Variants in VDAC3 observed in about 807,000 individuals in gnomAD.
VDAC3 encodes the protein non-selective voltage-gated ion channel VDAC3.
Under a neutral mutation model 33.9 loss-of-function variants are expected in VDAC3, and 7 were observed. The observed-to-expected ratio is 0.21, with a 90% confidence interval of 0.12 to 0.39. The LOEUF (loss-of-function observed/expected upper bound fraction) is 0.39, where lower values mean the gene tolerates loss of function less well. Ranked by LOEUF, VDAC3 falls within the 10% of genes least tolerant of loss-of-function variation. VDAC3 has a pLI of 1.00. For missense variants in VDAC3, 261 were observed against 334.5 expected (o/e 0.78, Z 1.71); for synonymous variants, 100 against 122.4 (o/e 0.82, Z 1.21).
chr8:42,396,382 AT>A (rs1264204455), intron 4 of VDAC3, among the ~76,000 whole-genome samples: 1 of 152,152 alleles, frequency 6.6e-6, no homozygotes, highest in Non-Finnish European at 1.5e-5. Context: ...ACCCATGAAA[AT>A]TTTATTTCTG....
In VDAC3 at chr8:42,401,832, T is replaced by G. The variant is rs765651174; in HGVS notation, c.368T>G (p.Phe123Cys). Reference sequence around the variant, plus strand: ...AAGGCCTCCTATAAACGGGATTGTTTTAGTGTTGGCAGTAATGTTGATATA... The same window carrying G: ...AAGGCCTCCTATAAACGGGATTGTTGTAGTGTTGGCAGTAATGTTGATATA... ...KLKASYKRDCFSVGSNVDIDF... is the reference protein window; with the variant it reads ...KLKASYKRDCCSVGSNVDIDF... The change falls in exon 7 of 10, where the codon TTT (phenylalanine) becomes TGT (cysteine). Residue 123 changes from phenylalanine (F) to cysteine (C), a missense_variant. By Grantham distance (205) the Phe-to-Cys change is radical (BLOSUM62 -2). Transcript: ENST00000022615. 9.9e-6 allele frequency: 16 copies of G among 1,614,080 alleles called. No homozygotes were observed. The highest frequency in any genetic ancestry group is 1.6e-4 in the Middle Eastern group (1 of 6,084).
At chr8:42,403,107 T>A (rs1802446286) in intron 7 of VDAC3, 1 of 582,238 alleles carries the variant, frequency 1.7e-6, no homozygotes, top group Non-Finnish European at 3.0e-6. Flanking sequence ...GGATCAAGTG[T>A]TAACGTTTTA....
intron 9 of VDAC3, among the ~76,000 whole-genome samples, 167 bp from the exon 10 acceptor site, chr8:42,405,204 C>G (rs1422762080): frequency 6.6e-6 from 1 of 152,220 alleles, no homozygotes; most frequent in Non-Finnish European, 1.5e-5. Flanking sequence ...ATGCTTTCCT[C>G]ATTACACATC....
chr8:42,400,711 G>A (rs958201446), intron 6 of VDAC3, among the ~76,000 whole-genome samples: 1 of 105,564 alleles, frequency 9.5e-6, no homozygotes, highest in African/African-American at 3.7e-5. Context: ...ATGGAGTCTT[G>A]CTGGAGTATA....
chr8:42,404,852 A>G lies in VDAC3; in HGVS notation c.703-15A>G, dbSNP rs1400007819. Reference sequence around the variant, plus strand: ...ATTCACTGTTTTCTGTTATTATTCTATCTCTTAATCTTAGGCTAAAGTAAA... The same window carrying G: ...ATTCACTGTTTTCTGTTATTATTCTGTCTCTTAATCTTAGGCTAAAGTAAA... On this transcript the variant is annotated splice_polypyrimidine_tract_variant and intron_variant, in intron 8 of 9. Transcript: ENST00000022615. The G allele has an allele frequency of 1.9e-6, 3 of 1,608,502 alleles. No homozygotes were observed. Among genetic ancestry groups the G allele is most frequent in the Non-Finnish European group, 2.6e-6 (3 of 1,176,060 alleles).
intron 1 of VDAC3, among the ~76,000 whole-genome samples, chr8:42,392,178 C>T (rs1700154282): frequency 6.6e-6 from 1 of 152,192 alleles, no homozygotes; most frequent in Admixed American, 6.5e-5. Context: ...GCGTGTGGAC[C>T]GCACTTTCCT....
chr8:42,398,776 A>C lies in VDAC3; in HGVS notation c.182A>C (p.Lys61Thr). The C allele has an allele frequency of 6.2e-7, 1 of 1,614,026 alleles. No homozygotes were observed. The highest frequency in any genetic ancestry group is 8.5e-7 in the Non-Finnish European group (1 of 1,180,000). ...TGKASGNLET[K>T]YKVCNYGLTF... ...AAAGCATCAGGCAACCTAGAAACCA[A>C]ATATAAGGTCTGTAACTATGGACTT... The change falls in exon 5 of 10, where the codon AAA becomes ACA. Residue 61 changes from lysine to threonine, a missense_variant. Coordinates refer to ENST00000022615, the MANE Select transcript of VDAC3 (RefSeq NM_005662.7).
Position 42,391,914 on chromosome 8 carries a change from G to A in VDAC3, c.-57G>A, listed in dbSNP as rs913273961. 1.3e-5 allele frequency: 2 copies of A among 152,296 alleles called. No individual in the cohort carries two copies. Among genetic ancestry groups the A allele is most frequent in the African/African-American group, 4.8e-5 (2 of 41,448 alleles). 9.4% of individuals were successfully genotyped at this position (152,296 alleles called of 1,614,324 possible). A position where few individuals can be genotyped will look rare whatever the true frequency, so the allele number is the denominator to read the frequency against. ...CGTTGCCCTGGCGGAGCAGAGACAG[G>A]CCCTCGGGGTGGAGGTGAGGAGAGC... is the stretch of plus-strand genomic sequence containing the variant. On this transcript the variant is annotated 5_prime_UTR_variant, in exon 1 of 10. Coordinates refer to ENST00000022615, the MANE Select transcript of VDAC3 (RefSeq NM_005662.7).
At chr8:42,398,675 G>A (rs974548071) in intron 4 of VDAC3, 37 bp from the exon 5 acceptor site, 3 of 1,593,436 alleles carry the variant, frequency 1.9e-6, no homozygotes, top group Non-Finnish European at 2.6e-6. Context: ...TATTTGATGA[G>A]CTAATTTTAA....
At chr8:42,392,234 C>A (rs1231945182) in intron 1 of VDAC3, among the ~76,000 whole-genome samples, 5 of 152,246 alleles carry the variant, frequency 3.3e-5, no homozygotes, top group Admixed American at 3.3e-4. Flanking sequence ...GAAGTTGGAT[C>A]CTCGAACCCC....
rs1240239014 is a variant in VDAC3, at chr8:42,404,741, A to G, written c.703-126A>G. On this transcript the variant is annotated intron_variant, in intron 8 of 9. Transcript: ENST00000022615. ...TCATCTCAAAAAAAAAAAAAAAAAA[A>G]ATCAGTAATTCTAGATTGGCCCTAG... The G allele has an allele frequency of 1.4e-5, 9 of 664,908 alleles. No homozygotes were observed. In the Admixed American group the frequency reaches 2.9e-4, roughly 21 times the overall value. 41.2% of individuals were successfully genotyped at this position (664,908 alleles called of 1,614,324 possible).
chr8:42,399,444 C>A, intron 5 of VDAC3: 1 of 422,346 alleles, frequency 2.4e-6, no homozygotes, highest in Non-Finnish European at 4.4e-6. Flanking sequence ...TAGGATTTGC[C>A]CCATTTTTTA....
intron 6 of VDAC3, among the ~76,000 whole-genome samples, chr8:42,400,398 T>C (rs1329685613): frequency 6.6e-6 from 1 of 152,040 alleles, no homozygotes; most frequent in Non-Finnish European, 1.5e-5. Flanking sequence ...AAAAGTTAAT[T>C]TCTTAAGAAG....
rs1319642512 is a variant in VDAC3, at chr8:42,396,642, C to T, written c.117+1509C>T. 7.3e-6 allele frequency: 5 copies of T among 688,906 alleles called. No homozygotes were observed. In the Admixed American group the frequency reaches 1.1e-4, roughly 15 times the overall value. The allele number at this position is 688,906 out of a possible 1,614,324, so 42.7% of individuals were successfully genotyped here. A position where few individuals can be genotyped will look rare whatever the true frequency, so the allele number is the denominator to read the frequency against. ...AATTATCAACTAAAATTTTATCTCC[C>T]TTTCATGCTGCTGTTGTGTGGTAAT... is the stretch of plus-strand genomic sequence containing the variant. On this transcript the variant is annotated intron_variant, in intron 4 of 9. Transcript: ENST00000022615.
At chr8:42,400,617 A>G (rs895963281) in intron 6 of VDAC3, among the ~76,000 whole-genome samples, 1 of 151,930 alleles carries the variant, frequency 6.6e-6, no homozygotes, top group African/African-American at 2.4e-5. Context: ...AGCCGTAACA[A>G]CAGGTGTGTT....
rs755811798 is a variant in VDAC3 at position 42,404,898 on chromosome 8, T to A, written c.734T>A (p.Leu245Gln). 6.2e-7 allele frequency: 1 copy of A among 1,613,742 alleles called. No homozygotes were observed. Among genetic ancestry groups the A allele is most frequent in the Admixed American group, 1.7e-5 (1 of 59,988 alleles). The change falls in exon 9 of 10, where the codon CTG (leucine) becomes CAG (glutamine). Residue 245 changes from leucine (L) to glutamine (Q), a missense_variant. Leu to Gln is a moderately radical substitution (Grantham distance 113). Coordinates refer to ENST00000022615, the MANE Select transcript of VDAC3 (RefSeq NM_005662.7). ...GTAAATAATGCCAGCCTGATTGGAC[T>A]GGGTTATACTCAGACCCTTCGACCA... ...AKVNNASLIG[L>Q]GYTQTLRPGV...
At chr8:42,400,770 A>G (rs139526043) in intron 6 of VDAC3, among the ~76,000 whole-genome samples, 19 of 147,140 alleles carry the variant, frequency 1.3e-4, no homozygotes, top group Admixed American at 1.2e-3. Context: ...GGTTCAAGCA[A>G]TTCTCCTGCC....
intron 6 of VDAC3, among the ~76,000 whole-genome samples, chr8:42,401,289 C>T (rs1451130207): frequency 6.6e-6 from 1 of 151,934 alleles, no homozygotes; most frequent in African/African-American, 2.4e-5. Flanking sequence ...CTCTGCCTCC[C>T]AGGTTCAAGT....
In VDAC3 at chr8:42,391,944, G is replaced by A. The variant is rs1263598673; in HGVS notation, c.-43+16G>A. ...CGGGGTGGAGGTGAGGAGAGCTGAG[G>A]CCGCGCGGGCTCCAGTCCCGGAGAG... On this transcript the variant is annotated intron_variant, in intron 1 of 9. Coordinates refer to ENST00000022615, the MANE Select transcript of VDAC3 (RefSeq NM_005662.7). 1 of 152,442 alleles carries A rather than the reference G, an allele frequency of 6.6e-6. No homozygotes were observed. Among genetic ancestry groups the A allele is most frequent in the African/African-American group, 2.4e-5 (1 of 41,448 alleles). The allele number at this position is 152,442 out of a possible 1,614,324, so 9.4% of individuals were successfully genotyped here.
Sources: allele counts gnomAD v4.1 joint callset (sites outside exome capture counted in the v4.1 genomes callset), GRCh38; gene constraint gnomAD v4.1.1; transcripts MANE v1.5; gene names NCBI Gene and HGNC (gene_info 2026-07-23, HGNC 2026-07-21).